The following RNF144B variants were observed in gnomAD, a reference collection of about 807,000 sequenced individuals.
RNF144B encodes the protein ring finger protein 144B.
In RNF144B, 25 loss-of-function variants were observed where a neutral mutation model predicts 40.2. The ratio of observed to expected loss-of-function variants is 0.62; its 90% CI spans 0.45 to 0.87. The LOEUF (loss-of-function observed/expected upper bound fraction) is 0.87. Among genes scored for constraint, RNF144B ranks in the 40% least tolerant of loss-of-function variants. The pLI is 0.00. For synonymous variants in RNF144B, 145 were observed against 136.3 expected, an observed-to-expected ratio of 1.06 and a Z score of -0.44; for missense variants, 365 against 373.7, an observed-to-expected ratio of 0.98 and a Z score of 0.19.
In RNF144B at chr6:18,406,476, G is replaced by GTT. The variant is rs1452228953; in HGVS notation, c.165+6778_165+6779insTT. Among the ~76,000 whole-genome samples, 1 of 149,136 alleles carries GTT rather than the reference G, an allele frequency of 6.7e-6. No homozygotes were observed. Among genetic ancestry groups the GTT allele is most frequent in the Non-Finnish European group, 1.5e-5 (1 of 67,528 alleles). ...TGGAAAAGTGTGTGTGTGTGTGTGTGTGTGTGTGTGTGTGTGTGTGTGTGT... is the reference window on the plus strand; with the variant it reads ...TGGAAAAGTGTGTGTGTGTGTGTGTGTTTGTGTGTGTGTGTGTGTGTGTGTGT... On this transcript the variant is annotated intron_variant, in intron 2 of 7. Coordinates refer to ENST00000259939, the MANE Select transcript of RNF144B (RefSeq NM_182757.4). This position sits in a 1 kb window ranked among gnomAD's most constrained non-coding sequence, Gnocchi z 4.2.
At chr6:18,454,406 T>G (rs1185077443) in intron 4 of RNF144B, among the ~76,000 whole-genome samples, 1 of 152,246 alleles carries the variant, frequency 6.6e-6, no homozygotes, top group Non-Finnish European at 1.5e-5. Flanking sequence ...GCTAGAGTAG[T>G]CAATTTCCTT....
In RNF144B at chr6:18,422,421, G is replaced by A. The variant is rs1408266; in HGVS notation, c.166-5160G>A. Among the ~76,000 whole-genome samples the A allele has an allele frequency of 0.96, 146,144 of 152,270 alleles. 70,386 individuals are homozygous for A. Among genetic ancestry groups the A allele is most frequent in the East Asian group, 1 (5,173 of 5,174 alleles). On this transcript the variant is annotated intron_variant, in intron 2 of 7. Transcript: ENST00000259939. The surrounding 1 kb of genome is among the most constrained non-coding windows in gnomAD (Gnocchi z 4.7). The stretch of plus-strand genomic sequence containing the variant: ...TACATTTTATGGAATATGTACTTCA[G>A]TGTTTGCATTGTACCTGGAGTGATA...
At chr6:18,403,817 C>T (rs77348406) in intron 2 of RNF144B, among the ~76,000 whole-genome samples, 2,724 of 152,256 alleles carry the variant, frequency 0.018, 78 homozygotes, top group African/African-American at 0.06. Context: ...GTGAAGGTCT[C>T]ATGCTAGGTC....
At chr6:18,455,470 A>T (rs1759304004) in intron 4 of RNF144B, among the ~76,000 whole-genome samples, 1 of 152,188 alleles carries the variant, frequency 6.6e-6, no homozygotes, top group Non-Finnish European at 1.5e-5. Context: ...AACTGTAAAA[A>T]CTAAATTCCT....
rs761383138 is a variant in RNF144B at position 18,443,551 on chromosome 6, G to A, written c.331+3807G>A. Among the ~76,000 whole-genome samples, 3 of 152,238 alleles carry A rather than the reference G, an allele frequency of 2.0e-5. No homozygotes were observed. The highest frequency in any genetic ancestry group is 2.9e-5 in the Non-Finnish European group (2 of 68,026). On this transcript the variant is annotated intron_variant, in intron 4 of 7. Transcript: ENST00000259939. The surrounding 1 kb of genome is among the most constrained non-coding windows in gnomAD (Gnocchi z 4.7). ...TCTGGGATTACAGGTGTGAGCTACC[G>A]TGCCCGGCCTCTTAGGTGATTTTGG...
chr6:18,427,295 A>T (rs1313522121), intron 2 of RNF144B, among the ~76,000 whole-genome samples: 1 of 152,082 alleles, frequency 6.6e-6, no homozygotes. Flanking sequence ...GGGTTAGAAA[A>T]TAGTGTTTTT....
intron 2 of RNF144B, among the ~76,000 whole-genome samples, chr6:18,426,471 G>A (rs1285317075): frequency 6.6e-6 from 1 of 152,196 alleles, no homozygotes; most frequent in Non-Finnish European, 1.5e-5. Context: ...GGAATAGGGT[G>A]AGGCATTACA....
intron 3 of RNF144B, among the ~76,000 whole-genome samples, chr6:18,428,247 C>A (rs551394): frequency 0.18 from 27,165 of 152,076 alleles, 2,689 homozygotes; most frequent in East Asian, 0.25. Context: ...GGTCTGCAGA[C>A]CTGTGAGTCA....
chr6:18,397,929 CAATT>C (rs1794724403), intron 1 of RNF144B, among the ~76,000 whole-genome samples: 1 of 151,950 alleles, frequency 6.6e-6, no homozygotes, highest in African/African-American at 2.4e-5. Context: ...ATGGGGAAAA[CAATT>C]ATTTCATCAT....
rs1176094866 is a variant in RNF144B at position 18,427,791 on chromosome 6, G to A, written c.270+106G>A. On this transcript the variant is annotated intron_variant, in intron 3 of 7. Coordinates refer to ENST00000259939, the MANE Select transcript of RNF144B (RefSeq NM_182757.4). Reference sequence around the variant, plus strand: ...CCAGGGAGTCTAGCAAGAAAATACAGAGGTTAACTTTTTAAAGGAGCACTT... The same window carrying A: ...CCAGGGAGTCTAGCAAGAAAATACAAAGGTTAACTTTTTAAAGGAGCACTT... The A allele has an allele frequency of 1.2e-5, 9 of 731,990 alleles. No homozygotes were observed. In the Admixed American group the frequency reaches 1.6e-4, roughly 13 times the overall value. The allele number at this position is 731,990 out of a possible 1,614,324, so 45.3% of individuals were successfully genotyped here.
In RNF144B at chr6:18,465,113, G is replaced by A. The variant is rs772289349; in HGVS notation, c.*46G>A. On this transcript the variant is annotated 3_prime_UTR_variant, in exon 8 of 8. Transcript: ENST00000259939. ...CCCAGATATGTGAGTTACATGAGAT[G>A]GCACAGTGATAAAGCCCCATTTAGT... 3.8e-6 allele frequency: 6 copies of A among 1,599,936 alleles called. No homozygotes were observed. The Admixed American group carries it at 1.0e-4, about 27-fold the overall frequency.
chr6:18,437,477 A>T (rs1258170149), intron 3 of RNF144B, among the ~76,000 whole-genome samples: 5 of 152,250 alleles, frequency 3.3e-5, no homozygotes, highest in African/African-American at 1.2e-4. Context: ...AGTCTAAATG[A>T]GGGGAACTAG....
rs970203859 is a variant in RNF144B, at chr6:18,419,450, G to T, written c.166-8131G>T. On this transcript the variant is annotated intron_variant, in intron 2 of 7. Coordinates refer to ENST00000259939, the MANE Select transcript of RNF144B (RefSeq NM_182757.4). The surrounding 1 kb of genome is among the most constrained non-coding windows in gnomAD (Gnocchi z 4.6). ...ACCCAGGAAGAAAGTGTAGAAAGAA[G>T]AGAGTTTAGGTCCTTTCCTGAAATT... Among the ~76,000 whole-genome samples, 6 of 152,182 alleles carry T rather than the reference G, an allele frequency of 3.9e-5. No individual in the cohort carries two copies. Among genetic ancestry groups the T allele is most frequent in the Admixed American group, 3.3e-4 (5 of 15,264 alleles).
chr6:18,462,873 C>T (rs1759488719), intron 6 of RNF144B, among the ~76,000 whole-genome samples: 2 of 152,042 alleles, frequency 1.3e-5, no homozygotes, highest in Non-Finnish European at 2.9e-5. Flanking sequence ...TGTTTCTCTC[C>T]AGTTACTTTC....
Position 18,419,114 on chromosome 6 carries a change from C to T in RNF144B, c.166-8467C>T, listed in dbSNP as rs1795203017. On this transcript the variant is annotated intron_variant, in intron 2 of 7. Coordinates refer to ENST00000259939, the MANE Select transcript of RNF144B (RefSeq NM_182757.4). This position sits in a 1 kb window ranked among gnomAD's most constrained non-coding sequence, Gnocchi z 4.6. ...GGGATCCTCAAATAACTTGGATGGACATTCAAGTTTGAGAAACATTGTCAG... is the reference window on the plus strand; with the variant it reads ...GGGATCCTCAAATAACTTGGATGGATATTCAAGTTTGAGAAACATTGTCAG... Among the ~76,000 whole-genome samples the T allele has an allele frequency of 1.3e-5, 2 of 152,146 alleles. No homozygotes were observed. The highest frequency in any genetic ancestry group is 2.4e-5 in the African/African-American group (1 of 41,434).
chr6:18,462,671 T>TG, intron 6 of RNF144B, among the ~76,000 whole-genome samples: 1 of 152,010 alleles, frequency 6.6e-6, no homozygotes, highest in South Asian at 2.1e-4. Flanking sequence ...AGTTTTTTTT[T>TG]TTTTCAGTGT....
At position 18,443,302 on chromosome 6, in the gene RNF144B, G is replaced by C. The variant is rs1441858166; in HGVS notation, c.331+3558G>C. On this transcript the variant is annotated intron_variant, in intron 4 of 7. Transcript: ENST00000259939. This position sits in a 1 kb window ranked among gnomAD's most constrained non-coding sequence, Gnocchi z 4.7. ...TTTTGAGATGGAGTCTCATTCTGTT[G>C]CCCAGGCTGGATTGCAGTGGCACGA... Among the ~76,000 whole-genome samples, 1 of 151,952 alleles carries C rather than the reference G, an allele frequency of 6.6e-6. No homozygotes were observed. Among genetic ancestry groups the C allele is most frequent in the Admixed American group, 6.6e-5 (1 of 15,252 alleles).
chr6:18,431,910 A>G (rs950609538), intron 3 of RNF144B, among the ~76,000 whole-genome samples: 2 of 152,186 alleles, frequency 1.3e-5, no homozygotes, highest in Admixed American at 6.5e-5. Flanking sequence ...AATTTTATCT[A>G]TGAAGAGTAG....
intron 3 of RNF144B, among the ~76,000 whole-genome samples, chr6:18,428,476 G>C (rs984056723): frequency 6.7e-6 from 1 of 150,242 alleles, no homozygotes; most frequent in Admixed American, 6.8e-5. Context: ...TCTGTAGCAG[G>C]CATCTGAAAT....
Sources: gnomAD v4.1 joint callset for allele counts (sites outside exome capture counted in the v4.1 genomes callset) on GRCh38, gnomAD v4.1.1 for gene constraint, Gnocchi (gnomAD v3.1) non-coding constraint, MANE v1.5 for transcripts, NCBI Gene and HGNC (gene_info 2026-07-23, HGNC 2026-07-21) for gene names.